The following ZNF568 variants were observed in gnomAD, a reference collection of about 807,000 sequenced individuals.
ZNF568 encodes p53 inhibitor of SCO2 activation.
Under a neutral mutation model 18.1 loss-of-function variants are expected in ZNF568, and 11 were observed. The observed-to-expected ratio is 0.61, with a 90% CI of 0.38 to 1.00. The LOEUF (loss-of-function observed/expected upper bound fraction) is 1.00, where lower values mean the gene tolerates loss of function less well. Ranked by LOEUF, ZNF568 falls within the 50% of genes least tolerant of loss-of-function variation. The pLI is 0.01. For synonymous variants in ZNF568, 213 were observed against 246.6 expected (o/e 0.86, Z 1.28); for missense variants, 639 against 768.2 (o/e 0.83, Z 1.99).
At chr19:36,948,140 T>C (rs1206556037) in intron 6 of ZNF568, among the ~76,000 whole-genome samples, 1 of 152,226 alleles carries the variant, frequency 6.6e-6, no homozygotes, top group Non-Finnish European at 1.5e-5. Flanking sequence ...TCCTCCTGTT[T>C]ATTCCTTCCT....
chr19:36,936,493 A>G (rs2073792822), intron 4 of ZNF568, among the ~76,000 whole-genome samples: 1 of 152,168 alleles, frequency 6.6e-6, no homozygotes, highest in Admixed American at 6.5e-5. Flanking sequence ...TTGCTATGGT[A>G]TATCTGACTG....
downstream of ZNF568, chr19:36,997,414 A>T: frequency 6.3e-7 from 1 of 1,586,974 alleles, no homozygotes; most frequent in East Asian, 2.3e-5. Flanking sequence ...CTTTACTTGT[A>T]GCACAGAACT....
intron 4 of ZNF568, among the ~76,000 whole-genome samples, chr19:36,934,041 T>C (rs1463990222): frequency 1.3e-5 from 2 of 150,600 alleles, no homozygotes; most frequent in East Asian, 1.9e-4. Context: ...TCATCTACTC[T>C]AGTTTGTTGG....
chr19:36,971,099 G>T (rs371858223), intron 6 of ZNF568, among the ~76,000 whole-genome samples: 10 of 152,064 alleles, frequency 6.6e-5, no homozygotes, highest in African/African-American at 2.4e-4. Context: ...AAAGAATACA[G>T]GCGGGCACCT....
intron 2 of ZNF568, among the ~76,000 whole-genome samples, chr19:36,919,870 T>A (rs939024716): frequency 2.0e-5 from 3 of 152,204 alleles, no homozygotes; most frequent in African/African-American, 7.2e-5. Context: ...TATAAAAGTA[T>A]AACATAAAAT....
intron 6 of ZNF568, among the ~76,000 whole-genome samples, chr19:36,942,042 G>T (rs1015564270): frequency 6.2e-5 from 9 of 146,150 alleles, no homozygotes; most frequent in African/African-American, 2.3e-4. Flanking sequence ...GGAGTGCAAT[G>T]GCGTGATCTT....
intron 6 of ZNF568, among the ~76,000 whole-genome samples, chr19:36,942,615 A>G (rs552871322): frequency 6.7e-5 from 10 of 149,148 alleles, no homozygotes; most frequent in South Asian, 2.1e-4. Context: ...AAAAAAAAAA[A>G]AAGAAGAATA....
intron 2 of ZNF568, among the ~76,000 whole-genome samples, chr19:36,987,296 T>A (rs1295730979): frequency 1.3e-5 from 2 of 152,160 alleles, no homozygotes; most frequent in African/African-American, 4.8e-5. Flanking sequence ...ATTGTGTATC[T>A]GGGTAATTGA....
intron 6 of ZNF568, chr19:36,973,383 G>A: frequency 6.5e-6 from 1 of 153,098 alleles, no homozygotes; most frequent in Non-Finnish European, 1.5e-5. Context: ...TGTGCGGGCT[G>A]CATGCCCACG....
At chr19:36,943,697 C>G (rs994462693) in intron 6 of ZNF568, among the ~76,000 whole-genome samples, 1 of 152,038 alleles carries the variant, frequency 6.6e-6, no homozygotes, top group Non-Finnish European at 1.5e-5. Flanking sequence ...GCCTCCACCT[C>G]CCGAGTACTG....
chr19:36,978,713 T>C (rs975021427), intron 7 of ZNF568, among the ~76,000 whole-genome samples: 4 of 152,220 alleles, frequency 2.6e-5, no homozygotes, highest in Admixed American at 6.5e-5. Context: ...TCAGGATTGA[T>C]CCTTCTTTTC....
rs552852702 is a variant in ZNF568, at chr19:36,996,723, C to A, written c.636C>A (p.Asn212Lys). 51 of 1,536,954 alleles carry A rather than the reference C, an allele frequency of 3.3e-5. No individual in the cohort carries two copies. In the African/African-American group the frequency reaches 6.2e-4, roughly 19 times the overall value. ...AAAGCAAAAAACATAGTGAAAATAA[C>A]AAATGTGCCTTTAATCATGATTCTG... is the stretch of plus-strand genomic sequence containing the variant. The change falls in exon 5 of 5, where the codon AAC (asparagine) becomes AAA (lysine). Residue 212 changes from asparagine (N) to lysine (K), a missense_variant. Coordinates refer to the ZNF568 transcript ENST00000433993.
In ZNF568 at chr19:36,937,138, T is replaced by A; in HGVS notation, c.263-9T>A. ...TGACATCCACATCCTTTGCTATTTC[T>A]TGTAATAGGCTGTCAAGTCACCAAA... is the stretch of plus-strand genomic sequence containing the variant. On this transcript the variant is annotated splice_polypyrimidine_tract_variant and intron_variant, in intron 5 of 6. Transcript: ENST00000333987. 1.9e-6 allele frequency: 3 copies of A among 1,612,996 alleles called. No individual in the cohort carries two copies. The highest frequency in any genetic ancestry group is 2.5e-6 in the Non-Finnish European group (3 of 1,179,296).
rs2074479988 is a variant in ZNF568 at position 36,996,968 on chromosome 19, AG to A, written c.883del (p.Ala295ArgfsTer40). The A allele has an allele frequency of 6.5e-7, 1 of 1,540,532 alleles. No homozygotes were observed. Among genetic ancestry groups the A allele is most frequent in the East Asian group, 2.4e-5 (1 of 41,086 alleles). ...ACTGATGAGAAATACTATGAAAGTA[AG>A]GCGTGTGGGAAGGCCTTTACCCGTC... On this transcript the variant is annotated frameshift_variant, in exon 5 of 5. Transcript: ENST00000433993. LOFTEE classifies it low-confidence loss of function (END_TRUNC).
chr19:36,939,532 C>CTTTT (rs386388962), intron 6 of ZNF568, among the ~76,000 whole-genome samples: 3,271 of 92,922 alleles, frequency 0.035, 56 homozygotes, highest in East Asian at 0.089. Context: ...TATTTTCTTT[C>CTTTT]TTTTTTTTTT....
rs564713298 is a variant in ZNF568, at chr19:36,950,235, C to G, written c.1082C>G (p.Pro361Arg). ...GAGAAAATTCATACTGGGGAGAAACCTTATGCATGTAATGAATGTGGTAGA... is the reference window on the plus strand; with the variant it reads ...GAGAAAATTCATACTGGGGAGAAACGTTATGCATGTAATGAATGTGGTAGA... ...EHEKIHTGEKPYACNECGRAF... is the reference protein window; with the variant it reads ...EHEKIHTGEKRYACNECGRAF... The change falls in exon 7 of 7, where the codon CCT (proline) becomes CGT (arginine). Residue 361 changes from proline (P) to arginine (R), a missense_variant. Pro to Arg is a moderately radical substitution (Grantham distance 103, BLOSUM62 -2). Coordinates refer to ENST00000333987, the MANE Select transcript of ZNF568 (RefSeq NM_198539.4). 5.3e-5 allele frequency: 85 copies of G among 1,613,748 alleles called. No individual in the cohort carries two copies. The highest frequency in any genetic ancestry group is 7.0e-5 in the Non-Finnish European group (83 of 1,179,928).
At chr19:36,978,822 AG>A (rs2074306240) in intron 7 of ZNF568, among the ~76,000 whole-genome samples, 2 of 152,154 alleles carry the variant, frequency 1.3e-5, no homozygotes, top group South Asian at 4.1e-4. Flanking sequence ...CCATTGTGCA[AG>A]AAACACAAGA....
chr19:36,987,222 G>A (rs1176040173), intron 2 of ZNF568, among the ~76,000 whole-genome samples: 3 of 152,082 alleles, frequency 2.0e-5, no homozygotes, highest in Non-Finnish European at 4.4e-5. Context: ...GAAGGCCATG[G>A]GTAATCTCGG....
downstream of ZNF568, among the ~76,000 whole-genome samples, chr19:36,955,412 A>C (rs939041678): frequency 6.6e-6 from 1 of 152,088 alleles, no homozygotes; most frequent in South Asian, 2.1e-4. Context: ...CCCCAGTAAG[A>C]CTGGCTGAAC....
Sources: gnomAD v4.1 joint callset for allele counts (sites outside exome capture counted in the v4.1 genomes callset) on GRCh38, gnomAD v4.1.1 for gene constraint, MANE v1.5 for transcripts, NCBI Gene and HGNC (gene_info 2026-07-23, HGNC 2026-07-21) for gene names.